The following PTPRN2 variants were observed in gnomAD, a reference collection of about 807,000 sequenced individuals.
PTPRN2 encodes protein tyrosine phosphatase receptor type N2.
A neutral mutation model predicts 118.8 loss-of-function variants in PTPRN2; 74 were observed. The ratio of observed to expected loss-of-function variants is 0.62; its 90% CI spans 0.52 to 0.76. The LOEUF is 0.76. Ranked by LOEUF, PTPRN2 falls within the 30% of genes least tolerant of loss-of-function variation. The pLI, the probability that PTPRN2 is intolerant of heterozygous loss-of-function variation, is 0.00. For missense variants in PTPRN2, 1,481 were observed against 1,394.4 expected (o/e 1.06, Z -0.99); for synonymous variants, 641 against 608.0 (o/e 1.05, Z -0.80).
intron 9 of PTPRN2, among the ~76,000 whole-genome samples, chr7:158,115,183 TAAC>T (rs558847835): frequency 3.3e-5 from 5 of 151,652 alleles, no homozygotes; most frequent in Admixed American, 6.6e-5. Flanking sequence ...ATATCCAAAA[TAAC>T]AACAACAACA....
intron 2 of PTPRN2, among the ~76,000 whole-genome samples, chr7:158,388,280 G>C (rs1216331148): frequency 1.3e-5 from 2 of 151,990 alleles, no homozygotes; most frequent in Admixed American, 1.3e-4. Flanking sequence ...CGGCACCAAG[G>C]TCCCAGAATT....
At chr7:157,972,743 C>A (rs5016730) in intron 11 of PTPRN2, among the ~76,000 whole-genome samples, 273 of 98,284 alleles carry the variant, frequency 2.8e-3, no homozygotes, top group Middle Eastern at 9.1e-3. Context: ...AGACCACGGG[C>A]ACTCCACACC....
At chr7:158,104,108 G>A (rs973225828) in intron 10 of PTPRN2, among the ~76,000 whole-genome samples, 3 of 152,108 alleles carry the variant, frequency 2.0e-5, no homozygotes, top group Admixed American at 6.6e-5. Flanking sequence ...TGATCCACCC[G>A]CCTCAGCCTC....
intron 11 of PTPRN2, among the ~76,000 whole-genome samples, chr7:157,920,068 G>T (rs1294594773): frequency 6.6e-6 from 1 of 152,158 alleles, no homozygotes; most frequent in Non-Finnish European, 1.5e-5. Flanking sequence ...GGTTTTGTAA[G>T]TGCACCCTGT....
chr7:158,040,982 C>T (rs558350791), intron 11 of PTPRN2, among the ~76,000 whole-genome samples: 212 of 152,312 alleles, frequency 1.4e-3, no homozygotes, highest in African/African-American at 4.5e-3. Context: ...CTGCCCGCCT[C>T]GGCCTCCCAA....
intron 3 of PTPRN2, among the ~76,000 whole-genome samples, chr7:158,309,451 T>G (rs1375313114): frequency 6.6e-6 from 1 of 152,214 alleles, no homozygotes; most frequent in Non-Finnish European, 1.5e-5. Flanking sequence ...CAGGGCCTAT[T>G]ATGGGACCTC....
At chr7:158,122,714 T>G (rs1483056078) in intron 9 of PTPRN2, among the ~76,000 whole-genome samples, 4 of 152,070 alleles carry the variant, frequency 2.6e-5, no homozygotes, top group Non-Finnish European at 2.9e-5. Flanking sequence ...GAAACTAAAG[T>G]CATTGCCCAA....
At chr7:158,207,974 T>C (rs143797273) in intron 3 of PTPRN2, among the ~76,000 whole-genome samples, 2 of 152,296 alleles carry the variant, frequency 1.3e-5, no homozygotes, top group African/African-American at 2.4e-5. Context: ...ATGCAAAATC[T>C]CTGGAGTTGA....
At position 158,360,066 on chromosome 7, in the gene PTPRN2, C is replaced by A. The variant is rs1426623396; in HGVS notation, c.164-43134G>T. On this transcript the variant is annotated intron_variant, in intron 2 of 22. Transcript: ENST00000389418. ...GTCCACCCACACCCAGGACGACGCA[C>A]AGACCCCACATCCACCCTCACCCAG... Among the ~76,000 whole-genome samples, 5 of 140,080 alleles carry A rather than the reference C, an allele frequency of 3.6e-5. 1 individual carries two copies. The highest frequency in any genetic ancestry group is 7.8e-5 in the Non-Finnish European group (5 of 64,108). 91.9% of individuals were successfully genotyped at this position (140,080 alleles called of 152,430 possible). A position where few individuals can be genotyped will look rare whatever the true frequency, so the allele number is the denominator to read the frequency against.
intron 11 of PTPRN2, among the ~76,000 whole-genome samples, chr7:158,062,156 G>C (rs993157002): frequency 6.6e-6 from 1 of 152,266 alleles, no homozygotes; most frequent in African/African-American, 2.4e-5. Context: ...GAGGTTATCT[G>C]AGGTGGCTTC....
At position 157,676,601 on chromosome 7, in the gene PTPRN2, G is replaced by C; in HGVS notation, c.2001+6124C>G. 6.6e-6 allele frequency among the ~76,000 whole-genome samples: 1 copy of C among 152,250 alleles called. No homozygotes were observed. The highest frequency in any genetic ancestry group is 1.9e-4 in the East Asian group (1 of 5,194). On this transcript the variant is annotated intron_variant, in intron 13 of 22. Transcript: ENST00000389418. The surrounding 1 kb of genome is among the most constrained non-coding windows in gnomAD (Gnocchi z 5.6). ...GCCCGGGCCAGCCCCTCAACACCCT[G>C]CAGTGGGGACAGCGCAGCTGGGGAC...
In PTPRN2 at chr7:157,866,618, C is replaced by T. The variant is rs76848805; in HGVS notation, c.1788+32055G>A. Among the ~76,000 whole-genome samples the T allele has an allele frequency of 9.2e-3, 1,393 of 152,174 alleles. 49 individuals carry two copies. Among genetic ancestry groups the T allele is most frequent in the East Asian group, 0.073 (378 of 5,168 alleles). ...GGAGCTGAGGCTGGTGTGCATTCTC[C>T]CAGGCACCCAGCATGAGTGCCCAGC... On this transcript the variant is annotated intron_variant, in intron 12 of 22. Coordinates refer to ENST00000389418, the MANE Select transcript of PTPRN2 (RefSeq NM_002847.5).
intron 2 of PTPRN2, among the ~76,000 whole-genome samples, chr7:158,482,054 G>A (rs2129444947): frequency 6.6e-6 from 1 of 152,314 alleles, no homozygotes; most frequent in South Asian, 2.1e-4. Flanking sequence ...TAGCAGAGCT[G>A]CCTGAAGATG....
intron 2 of PTPRN2, among the ~76,000 whole-genome samples, chr7:158,432,918 A>C (rs1816325439): frequency 6.6e-6 from 1 of 152,176 alleles, no homozygotes; most frequent in South Asian, 2.1e-4. Flanking sequence ...TTACAGAACA[A>C]ACACTCCCAC....
chr7:158,264,019 C>G (rs1378371125), intron 3 of PTPRN2, among the ~76,000 whole-genome samples: 1 of 152,222 alleles, frequency 6.6e-6, no homozygotes, highest in East Asian at 1.9e-4. Context: ...ACCCCTGCCA[C>G]TCTCACGCTT....
At chr7:157,896,767 C>T (rs1797155479) in intron 12 of PTPRN2, among the ~76,000 whole-genome samples, 1 of 152,210 alleles carries the variant, frequency 6.6e-6, no homozygotes. Flanking sequence ...ATGGCAGAAG[C>T]CACTTGGGCT....
intron 2 of PTPRN2, 60 bp from the exon 3 acceptor site, chr7:158,316,992 G>A (rs921273503): frequency 7.6e-7 from 1 of 1,309,158 alleles, no homozygotes; most frequent in Admixed American, 2.0e-5. Flanking sequence ...GAGCAGGAAG[G>A]TGTCACACAC....
chr7:158,042,210 A>C (rs1808519249), intron 11 of PTPRN2, among the ~76,000 whole-genome samples: 1 of 152,156 alleles, frequency 6.6e-6, no homozygotes. Context: ...AAACCAGAGA[A>C]TGGATTTCCA....
At chr7:157,653,704 G>C (rs1805830697) in intron 14 of PTPRN2, among the ~76,000 whole-genome samples, 2 of 152,232 alleles carry the variant, frequency 1.3e-5, no homozygotes, top group African/African-American at 4.8e-5. Flanking sequence ...AGTGAGCTCA[G>C]AGGAAGGAAA....
Sources: allele counts gnomAD v4.1 joint callset (sites outside exome capture counted in the v4.1 genomes callset), GRCh38; gene constraint gnomAD v4.1.1; non-coding constraint Gnocchi (gnomAD v3.1); transcripts MANE v1.5; gene names NCBI Gene and HGNC (gene_info 2026-07-23, HGNC 2026-07-21).